The following PCAT6 variants were observed in gnomAD, a reference collection of about 807,000 sequenced individuals.
PCAT6 encodes KDM5B antisense RNA 1 (head to head).
chr1:202,811,780 C>T (rs980465267), exon 1 of PCAT6: 8 of 198,706 alleles, frequency 4.0e-5, no homozygotes, highest in African/African-American at 1.4e-4. Context: ...CACCATCTCT[C>T]GGTGCCCTGG....
chr1:202,811,028 G>A, exon 1 of PCAT6: 1 of 300,984 alleles, frequency 3.3e-6, no homozygotes, highest in Non-Finnish European at 6.1e-6. Context: ...GCGAGGCCTA[G>A]GCGGGGTCAG....
exon 1 of PCAT6, chr1:202,811,709 C>G (rs1016476259): frequency 3.3e-6 from 1 of 304,142 alleles, no homozygotes; most frequent in Non-Finnish European, 6.0e-6. Context: ...ACCGGCTTTC[C>G]CTCGTCCTCT....
chr1:202,811,615 C>G (rs1005834955), exon 1 of PCAT6: 3 of 387,876 alleles, frequency 7.7e-6, no homozygotes, highest in African/African-American at 2.1e-5. Context: ...CCCTGGCCTC[C>G]GGTCTCTGCC....
exon 1 of PCAT6, chr1:202,811,300 C>G (rs1359830306): frequency 5.0e-6 from 2 of 399,154 alleles, no homozygotes; most frequent in Non-Finnish European, 4.4e-6. Flanking sequence ...TTCCAGCCTG[C>G]GCCCCAGATC....
exon 1 of PCAT6, chr1:202,811,105 G>A (rs914006994): frequency 2.1e-5 from 8 of 386,214 alleles, no homozygotes; most frequent in Non-Finnish European, 3.7e-5. Context: ...GCCCCGCTCC[G>A]AGTGCCACGT....
At chr1:202,811,016 G>A (rs960955647) in exon 1 of PCAT6, 32 of 277,184 alleles carry the variant, frequency 1.2e-4, no homozygotes, top group Non-Finnish European at 2.0e-4. Flanking sequence ...AGAGGGCTGG[G>A]TGCGAGGCCT....
At chr1:202,811,321 G>T (rs964550282) in exon 1 of PCAT6, 3 of 398,576 alleles carry the variant, frequency 7.5e-6, no homozygotes, top group African/African-American at 4.1e-5. Context: ...TGCAGCCTTC[G>T]CCCCTAGATA....
exon 1 of PCAT6, chr1:202,810,989 C>T (rs1658536105): frequency 4.2e-6 from 1 of 235,450 alleles, no homozygotes. Flanking sequence ...CCTGGAGGTG[C>T]CGGGGCCGGA....
exon 1 of PCAT6, chr1:202,811,459 TG>T (rs1405162840): frequency 7.5e-6 from 3 of 398,374 alleles, no homozygotes; most frequent in African/African-American, 6.2e-5. Flanking sequence ...GCAACTGCCC[TG>T]GGACCGGGTT....
exon 1 of PCAT6, chr1:202,811,213 G>A (rs941719366): frequency 1.3e-5 from 5 of 397,456 alleles, no homozygotes; most frequent in African/African-American, 2.1e-5. Flanking sequence ...AGATCCTTCG[G>A]ACACATCCCT....
chr1:202,811,330 T>C (rs1185575044), exon 1 of PCAT6: 2 of 398,642 alleles, frequency 5.0e-6, no homozygotes, highest in Admixed American at 4.4e-5. Context: ...CGCCCCTAGA[T>C]ACACCCGCCT....
exon 1 of PCAT6, chr1:202,811,640 A>T (rs770042799): frequency 2.6e-6 from 1 of 378,682 alleles, no homozygotes; most frequent in Non-Finnish European, 4.7e-6. Flanking sequence ...TCGTGCTTCT[A>T]CCACCACCCT....
exon 1 of PCAT6, chr1:202,811,376 C>T (rs986832094): frequency 4.8e-5 from 19 of 398,630 alleles, no homozygotes; most frequent in Non-Finnish European, 6.2e-5. Flanking sequence ...TTCCGGTAAC[C>T]GCGTTGCGAA....
At chr1:202,811,786 C>T (rs534561361) in exon 1 of PCAT6, 1 of 193,672 alleles carries the variant, frequency 5.2e-6, no homozygotes, top group African/African-American at 2.3e-5. Flanking sequence ...CTCTCGGTGC[C>T]CTGGAATGTT....
chr1:202,811,846 CCTT>C (rs1173045809), exon 1 of PCAT6: 3 of 160,520 alleles, frequency 1.9e-5, no homozygotes, highest in Non-Finnish European at 4.1e-5. Flanking sequence ...GATTTGGCCT[CCTT>C]GTTTTATTTT....
At chr1:202,811,344 G>A in exon 1 of PCAT6, 1 of 398,710 alleles carries the variant, frequency 2.5e-6, no homozygotes, top group Admixed American at 4.4e-5. Flanking sequence ...CCCGCCTGGT[G>A]ATGAGGCGCT....
At chr1:202,811,276 G>T in exon 1 of PCAT6, 2 of 399,332 alleles carry the variant, frequency 5.0e-6, no homozygotes, top group South Asian at 1.3e-4. Flanking sequence ...CACGTCAACC[G>T]GCTGCACCCC....
chr1:202,811,322 C>T, exon 1 of PCAT6: 1 of 398,866 alleles, frequency 2.5e-6, no homozygotes, highest in South Asian at 1.3e-4. Context: ...GCAGCCTTCG[C>T]CCCTAGATAC....
exon 1 of PCAT6, chr1:202,811,139 T>G (rs910657615): frequency 5.1e-6 from 2 of 394,964 alleles, no homozygotes; most frequent in Admixed American, 4.4e-5. Context: ...CTCCTTACTC[T>G]TGGACAACAC....
Sources: allele counts gnomAD v4.1 joint callset, GRCh38; gene constraint gnomAD v4.1.1; transcripts MANE v1.5; gene names NCBI Gene and HGNC (gene_info 2026-07-23, HGNC 2026-07-21).